DUSP22: variants seen among roughly 807,000 people sequenced by gnomAD.
The protein encoded by DUSP22 is dual specificity phosphatase 22, also known as dual specificity protein phosphatase 22.
In DUSP22, 24 loss-of-function variants were observed where a neutral mutation model predicts 24.5. The observed-to-expected ratio is 0.98, with a 90% CI of 0.71 to 1.38. DUSP22 has a LOEUF of 1.38. DUSP22 is among the 40% of genes most tolerant of loss of function. The pLI is 0.00. For missense variants in DUSP22, 330 were observed against 269.2 expected, an observed-to-expected ratio of 1.23 and a Z score of -1.58; for synonymous variants, 160 against 106.4, an observed-to-expected ratio of 1.50 and a Z score of -3.10.
Position 350,074 on chromosome 6 carries a change from G to A in DUSP22, c.*1123G>A. On this transcript the variant is annotated 3_prime_UTR_variant, in exon 7 of 7. Coordinates refer to ENST00000419235, the MANE Select transcript of DUSP22 (RefSeq NM_001286555.3). The stretch of plus-strand genomic sequence containing the variant: ...AGCTTCTTGGTATTCACTTGGGTTT[G>A]ATAATTGATCTGAGCTACCTCATTG... 1.0e-6 allele frequency: 1 copy of A among 985,688 alleles called. No individual in the cohort carries two copies. The highest frequency in any genetic ancestry group is 1.2e-6 in the Non-Finnish European group (1 of 830,044). 61.1% of individuals were successfully genotyped at this position (985,688 alleles called of 1,614,324 possible).
chr6:349,805 T>A lies in DUSP22; in HGVS notation c.*854T>A. On this transcript the variant is annotated 3_prime_UTR_variant, in exon 7 of 7. Coordinates refer to ENST00000419235, the MANE Select transcript of DUSP22 (RefSeq NM_001286555.3). ...CGAGCCCTGAGTTCTACTTGGTGTTTGTTCTCTGGAGCTGATTGCACTTGA... is the reference window on the plus strand; with the variant it reads ...CGAGCCCTGAGTTCTACTTGGTGTTAGTTCTCTGGAGCTGATTGCACTTGA... The A allele has an allele frequency of 3.0e-6, 3 of 985,954 alleles. No homozygotes were observed. Among genetic ancestry groups the A allele is most frequent in the Non-Finnish European group, 3.6e-6 (3 of 830,266 alleles). 61.1% of individuals were successfully genotyped at this position (985,954 alleles called of 1,614,324 possible).
At chr6:339,950 A>T (rs1485996803) in intron 4 of DUSP22, among the ~76,000 whole-genome samples, 1 of 152,300 alleles carries the variant, frequency 6.6e-6, no homozygotes, top group Non-Finnish European at 1.5e-5. Context: ...GCCAGCCCAT[A>T]GTGATGTTCT....
intron 1 of DUSP22, among the ~76,000 whole-genome samples, chr6:296,188 T>A (rs1757320481): frequency 6.6e-6 from 1 of 152,298 alleles, no homozygotes; most frequent in Admixed American, 6.5e-5. Context: ...AACTAAAACT[T>A]TTTTTTTATT....
intron 3 of DUSP22, among the ~76,000 whole-genome samples, chr6:324,723 T>C (rs1222860561): frequency 3.3e-5 from 5 of 152,290 alleles, no homozygotes; most frequent in African/African-American, 1.2e-4. Context: ...AGAGGGAGGA[T>C]GTGGTGTTCG....
intron 4 of DUSP22, among the ~76,000 whole-genome samples, chr6:340,298 C>T (rs1759548929): frequency 6.6e-6 from 1 of 152,308 alleles, no homozygotes; most frequent in East Asian, 1.9e-4. Flanking sequence ...TAGGGCAGCT[C>T]CACCATGTCT....
At chr6:293,073 G>T (rs147729754) in intron 1 of DUSP22, among the ~76,000 whole-genome samples, 5 of 152,390 alleles carry the variant, frequency 3.3e-5, no homozygotes, top group Admixed American at 6.5e-5. Flanking sequence ...TAAGTCCTGA[G>T]CTGTTTCTAG....
chr6:332,152 C>T, intron 3 of DUSP22, among the ~76,000 whole-genome samples: 2 of 152,422 alleles, frequency 1.3e-5, no homozygotes, highest in South Asian at 4.1e-4. Context: ...GTGCCGGGCA[C>T]CCTTGCAGGG....
chr6:318,518 G>A lies in DUSP22; in HGVS notation c.138+6556G>A, dbSNP rs151152825. 1.1e-4 allele frequency among the ~76,000 whole-genome samples: 17 copies of A among 152,380 alleles called. No individual in the cohort carries two copies. The East Asian group carries it at 2.5e-3, about 23-fold the overall frequency. ...ACCTTTTCCCTAGGTGACCACAGCA[G>A]GCCTCAGCTCTCAGGACCCCAGGGG... is the stretch of plus-strand genomic sequence containing the variant. On this transcript the variant is annotated intron_variant, in intron 3 of 6. Transcript: ENST00000419235.
chr6:315,882 C>T (rs544997661), intron 3 of DUSP22, among the ~76,000 whole-genome samples: 70 of 152,408 alleles, frequency 4.6e-4, no homozygotes, highest in South Asian at 8.3e-4. Context: ...GCACAAGATA[C>T]GCGTTGTAGC....
chr6:342,011 G>A (rs976364308), intron 4 of DUSP22, among the ~76,000 whole-genome samples: 39 of 152,296 alleles, frequency 2.6e-4, no homozygotes, highest in African/African-American at 9.2e-4. Context: ...GGGACGTGCA[G>A]ATGTCAAAGT....
At chr6:332,814 G>A (rs1216141762) in intron 3 of DUSP22, among the ~76,000 whole-genome samples, 5 of 152,296 alleles carry the variant, frequency 3.3e-5, no homozygotes, top group Non-Finnish European at 7.3e-5. Flanking sequence ...TAGAAGGGAA[G>A]GTGGGAACTT....
At chr6:324,478 G>C (rs1758757720) in intron 3 of DUSP22, among the ~76,000 whole-genome samples, 1 of 152,310 alleles carries the variant, frequency 6.6e-6, no homozygotes, top group Non-Finnish European at 1.5e-5. Flanking sequence ...TAACAGAGGG[G>C]TGTCCCTCCT....
intron 2 of DUSP22, among the ~76,000 whole-genome samples, chr6:307,023 G>A (rs540266372): frequency 3.3e-5 from 5 of 152,430 alleles, no homozygotes; most frequent in East Asian, 1.9e-4. Context: ...GAGCCCGATC[G>A]ATGCCAGGTC....
At chr6:348,435 C>A in intron 6 of DUSP22, 161 bp downstream of exon 6, 2 of 1,224,540 alleles carry the variant, frequency 1.6e-6, no homozygotes, top group Non-Finnish European at 1.1e-6. Context: ...GAAGTCGTCA[C>A]GATCCCTCGT....
intron 6 of DUSP22, 160 bp downstream of exon 6, chr6:348,434 A>G: frequency 1.6e-6 from 2 of 1,237,940 alleles, no homozygotes; most frequent in Non-Finnish European, 1.1e-6. Context: ...AGAAGTCGTC[A>G]CGATCCCTCG....
At chr6:330,848 A>G (rs545149868) in intron 3 of DUSP22, among the ~76,000 whole-genome samples, 4 of 152,420 alleles carry the variant, frequency 2.6e-5, no homozygotes, top group African/African-American at 9.6e-5. Flanking sequence ...TCTTTGCAGC[A>G]TCTTCCAAAT....
intron 1 of DUSP22, among the ~76,000 whole-genome samples, chr6:294,375 A>G (rs1191741024): frequency 2.0e-5 from 3 of 152,286 alleles, no homozygotes; most frequent in Non-Finnish European, 4.4e-5. Flanking sequence ...AAGGGAGTAC[A>G]GTGGTAAATG....
intron 3 of DUSP22, among the ~76,000 whole-genome samples, chr6:332,634 T>G (rs1759188887): frequency 6.7e-6 from 1 of 148,908 alleles, no homozygotes; most frequent in African/African-American, 2.5e-5. Context: ...TCCATTCTCT[T>G]CCTGTCCTTC....
chr6:321,803 A>G (rs1178160939), intron 3 of DUSP22, among the ~76,000 whole-genome samples: 2 of 152,312 alleles, frequency 1.3e-5, no homozygotes, highest in African/African-American at 4.8e-5. Context: ...AAATACAGAA[A>G]GAGAGTCATT....
Sources: gnomAD v4.1 joint callset for allele counts (sites outside exome capture counted in the v4.1 genomes callset) on GRCh38, gnomAD v4.1.1 for gene constraint, MANE v1.5 for transcripts, NCBI Gene and HGNC (gene_info 2026-07-23, HGNC 2026-07-21) for gene names.